Variants in ARID1B observed in about 807,000 individuals in gnomAD.
ARID1B encodes AT-rich interaction domain 1B.
A neutral mutation model predicts 212.3 loss-of-function variants in ARID1B; 30 were observed. The observed-to-expected ratio is 0.14, with a 90% confidence interval of 0.11 to 0.19. ARID1B has a LOEUF of 0.19. Among genes scored for constraint, ARID1B ranks in the 10% least tolerant of loss-of-function variants. ARID1B has a pLI of 1.00. For missense variants in ARID1B, 2,891 were observed against 3,204.0 expected, an observed-to-expected ratio of 0.90 and a Z score of 2.36; for synonymous variants, 1,402 against 1,301.7, an observed-to-expected ratio of 1.08 and a Z score of -1.66.
At chr6:157,154,582 T>TG (rs1331201729) in intron 8 of ARID1B, among the ~76,000 whole-genome samples, 64 of 126,080 alleles carry the variant, frequency 5.1e-4, no homozygotes, top group Admixed American at 3.6e-3. Flanking sequence ...TTTTTTTTGT[T>TG]TTTTTTTTTT....
At chr6:157,186,205 A>T (rs1337038859) in intron 13 of ARID1B, 4 of 330,066 alleles carry the variant, frequency 1.2e-5, no homozygotes, top group Non-Finnish European at 2.4e-5. Context: ...AGGCGTATAG[A>T]TCCTTCAGAA....
chr6:156,993,790 G>A (rs1778414628), intron 4 of ARID1B, among the ~76,000 whole-genome samples: 1 of 152,134 alleles, frequency 6.6e-6, no homozygotes, highest in Admixed American at 6.5e-5. Context: ...TTGACTTGTT[G>A]CTGTTAACTC....
chr6:157,068,240 A>G (rs964769492), intron 4 of ARID1B, among the ~76,000 whole-genome samples: 5 of 152,222 alleles, frequency 3.3e-5, no homozygotes, highest in African/African-American at 1.2e-4. Flanking sequence ...ATTGCTCTTT[A>G]AATTCCCTCT....
intron 1 of ARID1B, among the ~76,000 whole-genome samples, chr6:156,828,583 A>G (rs1473001486): frequency 1.3e-5 from 2 of 152,148 alleles, no homozygotes; most frequent in Non-Finnish European, 2.9e-5. Flanking sequence ...ATAAAATTCA[A>G]CATCTACTTG....
chr6:157,155,312 G>A (rs1437857336), intron 8 of ARID1B, among the ~76,000 whole-genome samples: 1 of 152,192 alleles, frequency 6.6e-6, no homozygotes, highest in Non-Finnish European at 1.5e-5. Context: ...ATTGTGAATT[G>A]TGAATTGTGG....
At position 157,207,841 on chromosome 6, in the gene ARID1B, C is replaced by T. The variant is rs2128399660; in HGVS notation, c.7069C>T (p.Leu2357=). 1 of 1,516,736 alleles carries T rather than the reference C, an allele frequency of 6.6e-7. No individual in the cohort carries two copies. The highest frequency in any genetic ancestry group is 8.8e-7 in the Non-Finnish European group (1 of 1,130,886). The allele number at this position is 1,516,736 out of a possible 1,614,324, so 94.0% of individuals were successfully genotyped here. Reference sequence around the variant, plus strand: ...CTCGATATCAGCTGTCCTGAACTCTCTGGTTGCATCTGTCATCTGTGATGT... The same window carrying T: ...CTCGATATCAGCTGTCCTGAACTCTTTGGTTGCATCTGTCATCTGTGATGT... ...DISISAVLNS[L]VASVICDVLF... Residue 2357 remains leucine (L), a synonymous_variant, in exon 20 of 20, where the codon CTG becomes TTG. Transcript: ENST00000636930. This position sits in a 1 kb window ranked among gnomAD's most constrained non-coding sequence, Gnocchi z 8.5.
chr6:156,906,865 T>G (rs1222467539), intron 3 of ARID1B, among the ~76,000 whole-genome samples: 1 of 152,236 alleles, frequency 6.6e-6, no homozygotes, highest in Non-Finnish European at 1.5e-5. Context: ...GGATTATTCT[T>G]ACATACCTTA....
At chr6:156,972,844 A>G (rs1202571920) in intron 4 of ARID1B, among the ~76,000 whole-genome samples, 1 of 152,196 alleles carries the variant, frequency 6.6e-6, no homozygotes, top group African/African-American at 2.4e-5. Flanking sequence ...TTTGCTTAAA[A>G]TTTTCCAGTA....
intron 1 of ARID1B, among the ~76,000 whole-genome samples, chr6:156,783,748 G>C (rs1254815366): frequency 6.6e-6 from 1 of 152,164 alleles, no homozygotes; most frequent in Non-Finnish European, 1.5e-5. Flanking sequence ...TTTTGGATGT[G>C]CTGGCCTAGG....
chr6:156,785,427 A>G (rs1489891810), intron 1 of ARID1B, among the ~76,000 whole-genome samples: 3 of 152,222 alleles, frequency 2.0e-5, no homozygotes, highest in East Asian at 1.9e-4. Context: ...TGACTCTGGA[A>G]GGGAAGCCAT....
intron 7 of ARID1B, among the ~76,000 whole-genome samples, chr6:157,143,889 A>G (rs951014689): frequency 1.3e-5 from 2 of 152,216 alleles, no homozygotes; most frequent in Non-Finnish European, 2.9e-5. Flanking sequence ...TTGAGTGCCA[A>G]TTCATGGAAT....
intron 4 of ARID1B, among the ~76,000 whole-genome samples, chr6:157,083,440 G>T (rs759233218): frequency 6.6e-6 from 1 of 152,196 alleles, no homozygotes. Context: ...GGGCCTCCAT[G>T]GGAGCCATGG....
chr6:157,127,547 G>A (rs113668670), intron 6 of ARID1B, among the ~76,000 whole-genome samples: 10 of 151,728 alleles, frequency 6.6e-5, no homozygotes, highest in African/African-American at 2.2e-4. Flanking sequence ...CGAGGTGGGC[G>A]GATCACAAGG....
chr6:157,004,423 A>G (rs898032825), intron 4 of ARID1B, among the ~76,000 whole-genome samples: 18 of 152,206 alleles, frequency 1.2e-4, no homozygotes, highest in Non-Finnish European at 1.5e-5. Flanking sequence ...CTGTGAACAC[A>G]TGTTAGAGAT....
chr6:156,884,771 T>A (rs1787376194), intron 2 of ARID1B, among the ~76,000 whole-genome samples: 1 of 152,230 alleles, frequency 6.6e-6, no homozygotes, highest in Admixed American at 6.5e-5. Context: ...AATTCTTTTT[T>A]CTGGCAGTAA....
At chr6:157,012,686 A>G (rs1014789483) in intron 4 of ARID1B, among the ~76,000 whole-genome samples, 3 of 152,206 alleles carry the variant, frequency 2.0e-5, no homozygotes, top group African/African-American at 4.8e-5. Flanking sequence ...TTAGACAGTC[A>G]TTTATCCTAT....
At chr6:156,946,744 C>A (rs1047345455) in intron 4 of ARID1B, among the ~76,000 whole-genome samples, 1 of 152,082 alleles carries the variant, frequency 6.6e-6, no homozygotes, top group African/African-American at 2.4e-5. Context: ...GGTTTTTAAT[C>A]TGTGTGACCA....
chr6:156,838,921 A>G (rs1343564213), intron 2 of ARID1B, among the ~76,000 whole-genome samples: 2 of 152,066 alleles, frequency 1.3e-5, no homozygotes, highest in Non-Finnish European at 1.5e-5. Context: ...CAATTAGTAT[A>G]TTACCTTGAG....
intron 2 of ARID1B, among the ~76,000 whole-genome samples, chr6:156,855,769 A>G (rs1354980712): frequency 6.6e-6 from 1 of 152,152 alleles, no homozygotes; most frequent in Non-Finnish European, 1.5e-5. Flanking sequence ...AAATGCCACA[A>G]CTAGAGATGG....
Sources: allele counts gnomAD v4.1 joint callset (sites outside exome capture counted in the v4.1 genomes callset), GRCh38; gene constraint gnomAD v4.1.1; non-coding constraint Gnocchi (gnomAD v3.1); transcripts MANE v1.5; gene names NCBI Gene and HGNC (gene_info 2026-07-23, HGNC 2026-07-21).